TOP3B: variants seen among roughly 807,000 people sequenced by gnomAD.
TOP3B encodes the protein DNA topoisomerase III beta, also known as DNA topoisomerase 3-beta-1.
In TOP3B, 45 loss-of-function variants were observed where a neutral mutation model predicts 93.9. That is an observed-to-expected ratio of 0.48 (90% CI 0.38 to 0.61). TOP3B has a LOEUF of 0.61. TOP3B is among the 20% of genes least tolerant of loss of function. The pLI, the probability that TOP3B is intolerant of heterozygous loss-of-function variation, is 0.00. For missense variants in TOP3B, 750 were observed against 1,156.1 expected, an observed-to-expected ratio of 0.65 and a Z score of 5.09; for synonymous variants, 357 against 472.6, an observed-to-expected ratio of 0.76 and a Z score of 3.17.
chr22:21,965,462 T>G (rs923445089), intron 8 of TOP3B, 87 bp from the exon 9 acceptor site: 2 of 749,094 alleles, frequency 2.7e-6, no homozygotes, highest in African/African-American at 3.6e-5. Flanking sequence ...GGGTCTGGTT[T>G]CATTCATCTG....
intron 14 of TOP3B, 168 bp downstream of exon 14, chr22:21,960,153 T>A: frequency 9.8e-7 from 1 of 1,016,990 alleles, no homozygotes. Flanking sequence ...TCTGGGCAGG[T>A]CCTGGGGGTC....
chr22:21,979,317 C>A (rs2084564888), intron 1 of TOP3B, among the ~76,000 whole-genome samples: 1 of 151,996 alleles, frequency 6.6e-6, no homozygotes, highest in Non-Finnish European at 1.5e-5. Context: ...AAAGAAGCAA[C>A]TCCCAGAGGG....
At chr22:21,972,467 G>A (rs747786530) in intron 4 of TOP3B, 145 bp downstream of exon 4, 11 of 619,188 alleles carry the variant, frequency 1.8e-5, no homozygotes, top group Non-Finnish European at 2.8e-5. Flanking sequence ...TGCCTCGTGG[G>A]CCAGCAGGGG....
In TOP3B at chr22:21,973,925, C is replaced by A. The variant is rs189724359; in HGVS notation, c.202+432G>T. ...CCAACCACATGGCCCCAAACCTACA[C>A]CCAGCAGGTCACTAATACTGGCGCT... On this transcript the variant is annotated intron_variant, in intron 3 of 17. Coordinates refer to ENST00000357179, the MANE Select transcript of TOP3B (RefSeq NM_001282112.2). 1.0e-3 allele frequency: 157 copies of A among 153,536 alleles called. 1 individual carries two copies. The East Asian group carries it at 0.018, about 17-fold the overall frequency. 9.5% of individuals were successfully genotyped at this position (153,536 alleles called of 1,614,324 possible).
chr22:21,972,040 TC>T, intron 4 of TOP3B, 89 bp from the exon 5 acceptor site: 1 of 1,174,782 alleles, frequency 8.5e-7, no homozygotes, highest in Non-Finnish European at 1.2e-6. Flanking sequence ...CAGGGCTTGG[TC>T]CCAGGCCCTG....
chr22:21,974,460 G>GT lies in TOP3B; in HGVS notation c.98dup (p.Asn33LysfsTer61). 1 of 1,612,830 alleles carries GT rather than the reference G, an allele frequency of 6.2e-7. No individual in the cohort carries two copies. Among genetic ancestry groups the GT allele is most frequent in the Non-Finnish European group, 8.5e-7 (1 of 1,179,314 alleles). The stretch of plus-strand genomic sequence containing the variant: ...TGTACTCGTGGACTGAGCAGGCCCC[G>GT]TTCAGCCCTTTGTGTGAGGACAGGC... On this transcript the variant is annotated frameshift_variant, in exon 3 of 18. Coordinates refer to ENST00000357179, the MANE Select transcript of TOP3B (RefSeq NM_001282112.2). LOFTEE classifies it high-confidence loss of function.
intron 7 of TOP3B, 158 bp from the exon 8 acceptor site, chr22:21,967,874 C>T (rs570793021): frequency 3.0e-4 from 182 of 605,162 alleles, no homozygotes; most frequent in African/African-American, 2.8e-3. Context: ...TGGGCAGATA[C>T]GCAAGCTGAC....
rs1411127332 is a variant in TOP3B at position 21,968,719 on chromosome 22, G to C, written c.638C>G (p.Ser213Cys). 6.2e-7 allele frequency: 1 copy of C among 1,614,210 alleles called. No individual in the cohort carries two copies. Among genetic ancestry groups the C allele is most frequent in the Admixed American group, 1.7e-5 (1 of 60,034 alleles). Residue 213 changes from serine (S) to cysteine (C), a missense_variant, in exon 7 of 18, where the codon TCC becomes TGC. Around this residue, in one of 4 missense-constraint regions of TOP3B, gnomAD observed 737 missense variants for 933.7 expected, o/e 0.79. Coordinates refer to ENST00000357179, the MANE Select transcript of TOP3B (RefSeq NM_001282112.2). ...GGTTGGAGTCTGACACGGCCCAAAG[G>C]AGATGAGAGAGCTGTCTAAATCACC... ...KYGDLDSSLI[S>C]FGPCQTPTLG...
chr22:21,960,514 G>A (rs1011356090), intron 13 of TOP3B, 65 bp from the exon 14 acceptor site: 2 of 1,598,866 alleles, frequency 1.3e-6, no homozygotes, highest in South Asian at 1.1e-5. Flanking sequence ...ACCATGTGCT[G>A]TATCACCTGT....
rs141861435 is a variant in TOP3B at position 21,970,326 on chromosome 22, G to A, written c.465C>T (p.Ile155=). ...KTVFRARFSS[I]TDTDICNAMA... is the part of the protein sequence containing the mutation. ...TGGCATTACAGATGTCTGTGTCCGTGATGGAGCTAAACCTGGCCCGGAACA... is the reference window on the plus strand; with the variant it reads ...TGGCATTACAGATGTCTGTGTCCGTAATGGAGCTAAACCTGGCCCGGAACA... Residue 155 remains isoleucine, a synonymous_variant, in exon 6 of 18, where the codon ATC becomes ATT. Transcript: ENST00000357179. The surrounding 1 kb of genome is among the most constrained non-coding windows in gnomAD (Gnocchi z 4.4). 1.6e-5 allele frequency: 26 copies of A among 1,614,088 alleles called. No individual in the cohort carries two copies. The African/African-American group carries it at 2.0e-4, about 12-fold the overall frequency.
In TOP3B at chr22:21,974,427, G is replaced by A. The variant is rs757005574; in HGVS notation, c.132C>T (p.Thr44=). The part of the protein sequence containing the change: ...GACSVHEYTG[T]FAGQPVRFKM... ...TGAAGCGCACTGGCTGGCCAGCAAA[G>A]GTCCCAGTGTACTCGTGGACTGAGC... Residue 44 remains threonine (T), a synonymous_variant, in exon 3 of 18, where the codon ACC becomes ACT. Coordinates refer to ENST00000357179, the MANE Select transcript of TOP3B (RefSeq NM_001282112.2). 6.2e-7 allele frequency: 1 copy of A among 1,614,048 alleles called. No individual in the cohort carries two copies. Among genetic ancestry groups the A allele is most frequent in the East Asian group, 2.2e-5 (1 of 44,898 alleles).
Position 21,962,446 on chromosome 22 carries a change from A to G in TOP3B, c.1508T>C (p.Met503Thr). Residue 503 changes from methionine (M) to threonine (T), a missense_variant, in exon 13 of 18, where the codon ATG (methionine) becomes ACG (threonine). By Grantham distance (81) the Met-to-Thr change is moderately conservative. This residue lies in a region of TOP3B where 737 missense variants were observed against 933.7 expected (regional missense o/e 0.79). Coordinates refer to ENST00000357179, the MANE Select transcript of TOP3B (RefSeq NM_001282112.2). ...YLTEAELITLMEKHGIGTDAS... is the reference protein window; with the variant it reads ...YLTEAELITLTEKHGIGTDAS... ...GCACCCACCGATGCCATGCTTCTCC[A>G]TGAGCGTGATGAGCTCGGCCTCCGT... 6.2e-7 allele frequency: 1 copy of G among 1,613,580 alleles called. No individual in the cohort carries two copies. Among genetic ancestry groups the G allele is most frequent in the Non-Finnish European group, 8.5e-7 (1 of 1,179,990 alleles).
At chr22:21,959,334 C>A in intron 15 of TOP3B, 102 bp from the exon 16 acceptor site, 1 of 1,554,278 alleles carries the variant, frequency 6.4e-7, no homozygotes, top group Non-Finnish European at 8.7e-7. Context: ...TCCCTATAGG[C>A]GGTGGTTTCT....
rs2071597756 is a variant in TOP3B, at chr22:21,970,562, C to T, written c.385-156G>A. On this transcript the variant is annotated intron_variant, in intron 5 of 17. Transcript: ENST00000357179. This position sits in a 1 kb window ranked among gnomAD's most constrained non-coding sequence, Gnocchi z 4.4. ...CCCTCCTCTATCCCCTTTCCTGCAC[C>T]TGCCAGACCCTCCTCTATCCCCCTG... is the stretch of plus-strand genomic sequence containing the variant. The T allele has an allele frequency of 2.8e-6, 2 of 724,486 alleles. No homozygotes were observed. Among genetic ancestry groups the T allele is most frequent in the South Asian group, 3.6e-5 (2 of 56,326 alleles). The allele number at this position is 724,486 out of a possible 1,614,324, so 44.9% of individuals were successfully genotyped here.
At chr22:21,964,474 G>T in intron 9 of TOP3B, 159 bp from the exon 10 acceptor site, 1 of 786,836 alleles carries the variant, frequency 1.3e-6, no homozygotes, top group Non-Finnish European at 2.0e-6. Context: ...TGCTGGCCGG[G>T]TGGGCACCTA....
At position 21,959,663 on chromosome 22, in the gene TOP3B, G is replaced by T; in HGVS notation, c.1728C>A (p.Ala576=). 1 of 1,613,760 alleles carries T rather than the reference G, an allele frequency of 6.2e-7. No individual in the cohort carries two copies. The highest frequency in any genetic ancestry group is 8.5e-7 in the Non-Finnish European group (1 of 1,179,944). Residue 576 remains alanine, a synonymous_variant, in exon 15 of 18, where the codon GCC becomes GCA. Coordinates refer to ENST00000357179, the MANE Select transcript of TOP3B (RefSeq NM_001282112.2). The part of the protein sequence containing the change: ...KQLNLIAQGK[A]DYRQVLGHTL... ...TGTGGCCCAGGACCTGGCGGTAGTC[G>T]GCCTTGCCCTGGGCGATCAGGTTCA...
chr22:21,979,877 C>G (rs889285955), intron 1 of TOP3B, among the ~76,000 whole-genome samples: 15 of 139,256 alleles, frequency 1.1e-4, no homozygotes, highest in African/African-American at 4.0e-4. Context: ...GGAAGCGGAG[C>G]TTGCAGTGAG....
intron 1 of TOP3B, chr22:21,976,128 G>T (rs916700070): frequency 1.9e-5 from 3 of 155,166 alleles, no homozygotes; most frequent in Non-Finnish European, 4.3e-5. Flanking sequence ...GATGGGTCAG[G>T]CCAGGTGGAT....
intron 17 of TOP3B, chr22:21,958,038 T>C (rs772876589): frequency 9.2e-6 from 12 of 1,309,890 alleles, no homozygotes; most frequent in Non-Finnish European, 1.1e-5. Context: ...ACGGTGAATG[T>C]GGGCAGATGC....
Sources: gnomAD v4.1 joint callset for allele counts (sites outside exome capture counted in the v4.1 genomes callset) on GRCh38, gnomAD v4.1.1 for gene constraint, gnomAD v4.1.1 regional missense constraint, Gnocchi (gnomAD v3.1) non-coding constraint, MANE v1.5 for transcripts, NCBI Gene and HGNC (gene_info 2026-07-23, HGNC 2026-07-21) for gene names.